The following CCDC73 variants were observed in gnomAD, a reference collection of about 807,000 sequenced individuals.
The protein encoded by CCDC73 is coiled-coil domain containing 73.
Under a neutral mutation model 116.5 loss-of-function variants are expected in CCDC73, and 95 were observed. That is an observed-to-expected ratio of 0.82 (90% CI 0.69 to 0.97). CCDC73 has a LOEUF of 0.97. Among genes scored for constraint, CCDC73 ranks in the 50% least tolerant of loss-of-function variants. The pLI is 0.00. For synonymous variants in CCDC73, 398 were observed against 401.3 expected (o/e 0.99, Z 0.10); for missense variants, 1,066 against 1,206.8 (o/e 0.88, Z 1.73).
At chr11:32,810,274 T>C in the CCDC73 span, among the ~76,000 whole-genome samples, 7 of 152,348 alleles carry the variant, frequency 4.6e-5, no homozygotes, top group South Asian at 4.1e-4. Context: ...GGAAAATTAA[T>C]ACTGTCTTCA....
At chr11:32,644,440 A>AC (rs1486075488) in intron 12 of CCDC73, among the ~76,000 whole-genome samples, 1 of 138,120 alleles carries the variant, frequency 7.2e-6, no homozygotes, top group Non-Finnish European at 1.6e-5. Flanking sequence ...TACCTATGTA[A>AC]CAAACCTGCA....
In CCDC73 at chr11:32,653,118, C is replaced by T. The variant is rs375733695; in HGVS notation, c.939+5G>A. The T allele has an allele frequency of 8.3e-6, 13 of 1,563,112 alleles. No homozygotes were observed. The highest frequency in any genetic ancestry group is 2.7e-5 in the African/African-American group (2 of 73,708). On this transcript the variant is annotated splice_donor_5th_base_variant and intron_variant, in intron 12 of 17. Coordinates refer to ENST00000335185, the MANE Select transcript of CCDC73 (RefSeq NM_001008391.4). ...TAGACAGACAGACAGACAGATAGAA[C>T]GAACCTGATTATTTTCTTTTAGCAC...
At chr11:32,700,196 G>A (rs200968447) in intron 5 of CCDC73, among the ~76,000 whole-genome samples, 1 of 151,822 alleles carries the variant, frequency 6.6e-6, no homozygotes, top group African/African-American at 2.4e-5. Flanking sequence ...ATAAAAATAT[G>A]GGAGAATTTT....
intron 7 of CCDC73, chr11:32,683,044 T>C (rs987742315): frequency 6.4e-6 from 1 of 155,818 alleles, no homozygotes; most frequent in Admixed American, 6.4e-5. Context: ...TATAAGACCC[T>C]AACAATAATT....
At chr11:32,698,623 C>T (rs566557036) in intron 6 of CCDC73, among the ~76,000 whole-genome samples, 1 of 152,242 alleles carries the variant, frequency 6.6e-6, no homozygotes, top group African/African-American at 2.4e-5. Context: ...GCATGAATAT[C>T]GTCTTCCCAA....
intron 1 of CCDC73, among the ~76,000 whole-genome samples, chr11:32,784,075 A>T (rs1024495677): frequency 6.6e-6 from 1 of 152,252 alleles, no homozygotes; most frequent in African/African-American, 2.4e-5. Context: ...CACGCCTATA[A>T]TCTCAGCACT....
intron 3 of CCDC73, among the ~76,000 whole-genome samples, chr11:32,714,958 A>G (rs1482087721): frequency 6.6e-6 from 1 of 152,192 alleles, no homozygotes; most frequent in African/African-American, 2.4e-5. Context: ...CTTTTACACT[A>G]TAACAAAGTT....
chr11:32,755,855 G>GTATATATATCTTCATATATATATCTATA lies in CCDC73; in HGVS notation c.135+4253_135+4254insTATAGATATATATATGAAGATATATATA, dbSNP rs1181104991. On this transcript the variant is annotated intron_variant, in intron 2 of 17. Coordinates refer to ENST00000335185, the MANE Select transcript of CCDC73 (RefSeq NM_001008391.4). Reference sequence around the variant, plus strand: ...TGTATATATCTCCATATATATGTGTGTGTATATATCTCCATATATATATCT... The same window carrying GTATATATATCTTCATATATATATCTATA: ...TGTATATATCTCCATATATATGTGTGTATATATATCTTCATATATATATCTATATGTATATATCTCCATATATATATCT... Among the ~76,000 whole-genome samples the GTATATATATCTTCATATATATATCTATA allele has an allele frequency of 1.6e-4, 20 of 128,228 alleles. 2 individuals carry two copies. Among genetic ancestry groups the GTATATATATCTTCATATATATATCTATA allele is most frequent in the South Asian group, 9.8e-4 (4 of 4,102 alleles). 84.1% of individuals were successfully genotyped at this position (128,228 alleles called of 152,430 possible). A position where few individuals can be genotyped will look rare whatever the true frequency, so the allele number is the denominator to read the frequency against.
At chr11:32,752,765 GA>G (rs1223444528) in intron 2 of CCDC73, among the ~76,000 whole-genome samples, 2 of 152,096 alleles carry the variant, frequency 1.3e-5, no homozygotes, top group Admixed American at 6.5e-5. Flanking sequence ...ATAAGATATT[GA>G]TTTTTTTATT....
intron 1 of CCDC73, among the ~76,000 whole-genome samples, chr11:32,768,844 C>G (rs967475263): frequency 1.3e-5 from 2 of 151,692 alleles, no homozygotes; most frequent in African/African-American, 2.4e-5. Flanking sequence ...GACTCCATCT[C>G]AAAAAAATAA....
intron 14 of CCDC73, among the ~76,000 whole-genome samples, chr11:32,628,321 G>A (rs1030124398): frequency 2.8e-4 from 43 of 152,156 alleles, no homozygotes; most frequent in African/African-American, 9.4e-4. Flanking sequence ...GACAAACATC[G>A]GAATTTAGAG....
chr11:32,812,670 CAA>C, the CCDC73 span, among the ~76,000 whole-genome samples: 30 of 103,002 alleles, frequency 2.9e-4, no homozygotes, highest in Non-Finnish European at 2.0e-4. Flanking sequence ...ACTACATCTC[CAA>C]AAAAAAAAAA....
the CCDC73 span, among the ~76,000 whole-genome samples, chr11:32,809,123 T>C: frequency 6.6e-6 from 1 of 152,184 alleles, no homozygotes; most frequent in African/African-American, 2.4e-5. Context: ...TAGAGAAACG[T>C]TTAAATGTAA....
At chr11:32,682,389 A>G (rs1444983226) in intron 7 of CCDC73, 1 of 151,916 alleles carries the variant, frequency 6.6e-6, no homozygotes, top group East Asian at 1.9e-4. Context: ...TATTATTTTT[A>G]TTCTTTCCAG....
chr11:32,686,572 AATGT>A (rs1487638952), intron 6 of CCDC73, among the ~76,000 whole-genome samples: 1 of 152,304 alleles, frequency 6.6e-6, no homozygotes, highest in Non-Finnish European at 1.5e-5. Context: ...TTCAGAAGAC[AATGT>A]ATTACTCTAA....
At chr11:32,690,665 G>A (rs1187445187) in intron 6 of CCDC73, among the ~76,000 whole-genome samples, 1 of 152,104 alleles carries the variant, frequency 6.6e-6, no homozygotes, top group Non-Finnish European at 1.5e-5. Context: ...GCCATGGTAA[G>A]ACATGCTTAC....
chr11:32,635,590 A>AT (rs1855669873), intron 14 of CCDC73, 106 bp downstream of exon 14: 3 of 1,056,850 alleles, frequency 2.8e-6, no homozygotes, highest in Admixed American at 4.1e-5. Flanking sequence ...GCATATACTC[A>AT]TTTTTTTAAA....
intron 13 of CCDC73, 85 bp downstream of exon 13, chr11:32,641,887 G>T: frequency 9.7e-7 from 1 of 1,027,390 alleles, no homozygotes; most frequent in Non-Finnish European, 1.3e-6. Context: ...TAATATTTTT[G>T]CAATATTTTC....
chr11:32,705,117 C>A (rs1380916550), intron 3 of CCDC73, among the ~76,000 whole-genome samples: 2 of 152,208 alleles, frequency 1.3e-5, no homozygotes, highest in African/African-American at 2.4e-5. Flanking sequence ...GGTGGCCGCA[C>A]CATTCAACGG....
Sources: gnomAD v4.1 joint callset for allele counts (sites outside exome capture counted in the v4.1 genomes callset) on GRCh38, gnomAD v4.1.1 for gene constraint, MANE v1.5 for transcripts, NCBI Gene and HGNC (gene_info 2026-07-23, HGNC 2026-07-21) for gene names.